The following BMAL1 variants were observed in gnomAD, a reference collection of about 807,000 sequenced individuals.
The protein encoded by BMAL1 is basic helix-loop-helix ARNT-like protein 1.
chr11:13,306,393 G>A, the BMAL1 span, among the ~76,000 whole-genome samples: 1 of 152,232 alleles, frequency 6.6e-6, no homozygotes, highest in African/African-American at 2.4e-5. Flanking sequence ...GGACAGTGAG[G>A]AAGTGCAAGG....
chr11:13,354,214 A>AC, the BMAL1 span: 1 of 872,260 alleles, frequency 1.1e-6, no homozygotes, highest in Non-Finnish European at 1.6e-6. Flanking sequence ...CCCACCACCA[A>AC]ACCCCCAAGC....
At chr11:13,368,388 T>C in the BMAL1 span, among the ~76,000 whole-genome samples, 1 of 152,052 alleles carries the variant, frequency 6.6e-6, no homozygotes. Flanking sequence ...GGTGCAGGGG[T>C]GTGGAGCCAC....
At chr11:13,303,605 C>A in the BMAL1 span, among the ~76,000 whole-genome samples, 10 of 152,218 alleles carry the variant, frequency 6.6e-5, no homozygotes, top group Admixed American at 6.5e-4. Context: ...TAGCAGGCAG[C>A]CTTCCTTGCA....
At chr11:13,307,267 G>A in the BMAL1 span, among the ~76,000 whole-genome samples, 1 of 152,234 alleles carries the variant, frequency 6.6e-6, no homozygotes, top group Non-Finnish European at 1.5e-5. Context: ...CTTGATCAAA[G>A]TTAGGTTTTA....
At chr11:13,280,167 T>G in the BMAL1 span, among the ~76,000 whole-genome samples, 1 of 152,246 alleles carries the variant, frequency 6.6e-6, no homozygotes, top group Non-Finnish European at 1.5e-5. Context: ...TGAAGCCCTA[T>G]TTTCATAAGA....
chr11:13,386,490 C>A, the BMAL1 span: 1 of 1,203,106 alleles, frequency 8.3e-7, no homozygotes, highest in Non-Finnish European at 1.1e-6. Context: ...TCTCACCCTA[C>A]CATTAAATGT....
At chr11:13,358,259 T>C in the BMAL1 span, among the ~76,000 whole-genome samples, 2 of 152,250 alleles carry the variant, frequency 1.3e-5, no homozygotes, top group East Asian at 1.9e-4. Flanking sequence ...GACCTGGCAG[T>C]GAGACCATTT....
the BMAL1 span, among the ~76,000 whole-genome samples, chr11:13,336,774 A>G: frequency 2.3e-4 from 35 of 152,332 alleles, 1 homozygote; most frequent in East Asian, 2.7e-3. Context: ...CGAACTGTGA[A>G]TGTGCCAGTG....
chr11:13,359,528 AAAG>A, the BMAL1 span, among the ~76,000 whole-genome samples: 4 of 152,214 alleles, frequency 2.6e-5, no homozygotes, highest in Non-Finnish European at 5.9e-5. Flanking sequence ...AAATTGGAAA[AAAG>A]TGGCAAATCT....
the BMAL1 span, among the ~76,000 whole-genome samples, chr11:13,339,111 G>T: frequency 6.6e-6 from 1 of 152,250 alleles, no homozygotes; most frequent in African/African-American, 2.4e-5. Context: ...CCCCTTGGCT[G>T]GGGGCCTTTG....
chr11:13,332,441 A>G, the BMAL1 span, among the ~76,000 whole-genome samples: 1 of 152,204 alleles, frequency 6.6e-6, no homozygotes, highest in African/African-American at 2.4e-5. Context: ...ATTTGCAGTA[A>G]CAAGTGCACA....
At chr11:13,366,853 G>GGC in the BMAL1 span, 6 of 1,271,874 alleles carry the variant, frequency 4.7e-6, no homozygotes, top group Non-Finnish European at 6.8e-6. Flanking sequence ...GTGAGCAGAG[G>GGC]GCGGGTGTGT....
the BMAL1 span, chr11:13,374,062 T>G: frequency 1.3e-6 from 2 of 1,595,790 alleles, no homozygotes; most frequent in South Asian, 2.2e-5. Context: ...GAATGGCTTT[T>G]TCTTCTTTAA....
At chr11:13,278,639 G>C in the BMAL1 span, among the ~76,000 whole-genome samples, 35 of 152,324 alleles carry the variant, frequency 2.3e-4, no homozygotes, top group East Asian at 2.1e-3. Flanking sequence ...CGTGGGGCCT[G>C]TGCCGTCCAG....
the BMAL1 span, among the ~76,000 whole-genome samples, chr11:13,291,888 A>C: frequency 6.6e-6 from 1 of 152,238 alleles, no homozygotes; most frequent in Admixed American, 6.5e-5. Flanking sequence ...AGGCTTTAAT[A>C]GATGATAAAA....
chr11:13,313,029 TA>T, the BMAL1 span, among the ~76,000 whole-genome samples: 1 of 152,092 alleles, frequency 6.6e-6, no homozygotes, highest in Non-Finnish European at 1.5e-5. Flanking sequence ...TCGTTGGGGG[TA>T]AAATCCATAA....
At chr11:13,386,821 C>A in the BMAL1 span, 1 of 1,562,624 alleles carries the variant, frequency 6.4e-7, no homozygotes, top group Non-Finnish European at 8.7e-7. Flanking sequence ...GTTTTACAGT[C>A]TGTGAAGCTT....
chr11:13,374,041 A>G, the BMAL1 span: 3 of 1,541,020 alleles, frequency 1.9e-6, no homozygotes, highest in Admixed American at 3.3e-5. Flanking sequence ...CAAAGTTGCA[A>G]TTAATCATCT....
At chr11:13,340,879 A>G in the BMAL1 span, among the ~76,000 whole-genome samples, 122 of 152,210 alleles carry the variant, frequency 8.0e-4, no homozygotes, top group Non-Finnish European at 1.3e-3. Flanking sequence ...GTTTTCTTCT[A>G]TTCAACTCAT....
Sources: gnomAD v4.1 joint callset for allele counts (sites outside exome capture counted in the v4.1 genomes callset) on GRCh38, gnomAD v4.1.1 for gene constraint, MANE v1.5 for transcripts, NCBI Gene and HGNC (gene_info 2026-07-23, HGNC 2026-07-21) for gene names.